SS18L1: variants seen among roughly 807,000 people sequenced by gnomAD.
SS18L1 encodes the protein calcium-responsive transactivator.
Under a neutral mutation model 70.3 loss-of-function variants are expected in SS18L1, and 32 were observed. That is an observed-to-expected ratio of 0.46 (90% CI 0.34 to 0.61). The LOEUF is 0.61. SS18L1 is among the 20% of genes least tolerant of loss of function. The pLI is 0.01. For synonymous variants in SS18L1, 237 were observed against 229.7 expected, an observed-to-expected ratio of 1.03 and a Z score of -0.29; for missense variants, 430 against 542.1, an observed-to-expected ratio of 0.79 and a Z score of 2.05.
At chr20:62,154,853 GCCCACT>G (rs1345684600) in intron 1 of SS18L1, among the ~76,000 whole-genome samples, 17 of 152,088 alleles carry the variant, frequency 1.1e-4, no homozygotes, top group African/African-American at 4.1e-4. Flanking sequence ...GGCCGCGCTG[GCCCACT>G]CCCTTTCTTC....
intron 1 of SS18L1, among the ~76,000 whole-genome samples, chr20:62,144,090 G>C (rs967948424): frequency 1.5e-4 from 22 of 149,920 alleles, no homozygotes; most frequent in Non-Finnish European, 2.4e-4. Flanking sequence ...TGTGGGGGGC[G>C]GTCCCCGGAG....
At chr20:62,154,305 T>C in intron 1 of SS18L1, 1 of 1,040,382 alleles carries the variant, frequency 9.6e-7, no homozygotes, top group African/African-American at 1.7e-5. Context: ...CGGCCAGTCA[T>C]CGAGTGCCCT....
Position 62,174,679 on chromosome 20 carries a change from C to G in SS18L1, c.1164+35C>G, listed in dbSNP as rs564880212. On this transcript the variant is annotated intron_variant, in intron 10 of 10. Transcript: ENST00000331758. The surrounding 1 kb of genome is among the most constrained non-coding windows in gnomAD (Gnocchi z 4.1). ...CTGGATGTTTCCAGATGTGCCCATCCGCCGCGCCTGTCGAGACATAATGAA... is the reference window on the plus strand; with the variant it reads ...CTGGATGTTTCCAGATGTGCCCATCGGCCGCGCCTGTCGAGACATAATGAA... 2 of 1,613,060 alleles carry G rather than the reference C, an allele frequency of 1.2e-6. No individual in the cohort carries two copies. Among genetic ancestry groups the G allele is most frequent in the South Asian group, 2.2e-5 (2 of 91,028 alleles).
rs755962344 is a variant in SS18L1, at chr20:62,143,815, G to T, written c.-6G>T. On this transcript the variant is annotated 5_prime_UTR_variant, in exon 1 of 11. Transcript: ENST00000331758. Reference sequence around the variant, plus strand: ...ATGACCACGGGCTGAGCCCCGCGCCGCCACCATGTCCGTGGCCTTCGCGTC... The same window carrying T: ...ATGACCACGGGCTGAGCCCCGCGCCTCCACCATGTCCGTGGCCTTCGCGTC... The T allele has an allele frequency of 3.0e-6, 4 of 1,344,554 alleles. No homozygotes were observed. Among genetic ancestry groups the T allele is most frequent in the South Asian group, 1.3e-5 (1 of 76,602 alleles). The allele number at this position is 1,344,554 out of a possible 1,614,324, so 83.3% of individuals were successfully genotyped here.
intron 1 of SS18L1, among the ~76,000 whole-genome samples, chr20:62,152,491 C>A (rs1427322714): frequency 6.6e-6 from 1 of 152,212 alleles, no homozygotes; most frequent in African/African-American, 2.4e-5. Flanking sequence ...CGGGTTTACC[C>A]CTGAACCTGT....
At position 62,181,255 on chromosome 20, in the gene SS18L1, C is replaced by G; in HGVS notation, c.*2047C>G. 4.8e-6 allele frequency: 1 copy of G among 206,412 alleles called. No homozygotes were observed. Among genetic ancestry groups the G allele is most frequent in the Non-Finnish European group, 9.9e-6 (1 of 100,906 alleles). 12.8% of individuals were successfully genotyped at this position (206,412 alleles called of 1,614,324 possible). On this transcript the variant is annotated 3_prime_UTR_variant, in exon 11 of 11. Coordinates refer to ENST00000331758, the MANE Select transcript of SS18L1 (RefSeq NM_198935.3). ...AACGTATGTGTTCATATTCGATCAC[C>G]GAAATGAGAGTTCTTAATTGCTAAT... is the stretch of plus-strand genomic sequence containing the variant.
In SS18L1 at chr20:62,180,890, C is replaced by T. The variant is rs185987139; in HGVS notation, c.*1682C>T. The T allele has an allele frequency of 1.3e-3, 218 of 169,922 alleles. No homozygotes were observed. Among genetic ancestry groups the T allele is most frequent in the East Asian group, 5.5e-3 (50 of 9,100 alleles). 10.5% of individuals were successfully genotyped at this position (169,922 alleles called of 1,614,324 possible). ...AGCCTAGGCAACAAGAGTGAAATTCCGTCTCAAAAAAATAAATAAATAAAT... is the reference window on the plus strand; with the variant it reads ...AGCCTAGGCAACAAGAGTGAAATTCTGTCTCAAAAAAATAAATAAATAAAT... On this transcript the variant is annotated 3_prime_UTR_variant, in exon 11 of 11. Transcript: ENST00000331758.
At chr20:62,160,442 C>G (rs1345312798) in intron 3 of SS18L1, among the ~76,000 whole-genome samples, 1 of 149,480 alleles carries the variant, frequency 6.7e-6, no homozygotes, top group Non-Finnish European at 1.5e-5. Context: ...TCCCTGGAGC[C>G]TCTCCGGGTG....
In SS18L1 at chr20:62,174,878, C is replaced by T. The variant is rs2057594122; in HGVS notation, c.1164+234C>T. 4.9e-6 allele frequency: 7 copies of T among 1,415,610 alleles called. No individual in the cohort carries two copies. The highest frequency in any genetic ancestry group is 1.4e-5 in the South Asian group (1 of 69,580). 87.7% of individuals were successfully genotyped at this position (1,415,610 alleles called of 1,614,324 possible). On this transcript the variant is annotated intron_variant, in intron 10 of 10. Transcript: ENST00000331758. The surrounding 1 kb of genome is among the most constrained non-coding windows in gnomAD (Gnocchi z 4.1). ...CCCTAAGCTCACCGTTAGATCTGCACGCCTGGTTCTCACATTCATTCACTC... is the reference window on the plus strand; with the variant it reads ...CCCTAAGCTCACCGTTAGATCTGCATGCCTGGTTCTCACATTCATTCACTC...
chr20:62,156,208 C>G (rs776642996), intron 1 of SS18L1, among the ~76,000 whole-genome samples: 2 of 152,184 alleles, frequency 1.3e-5, no homozygotes, highest in Non-Finnish European at 2.9e-5. Flanking sequence ...GTGTCTAGTT[C>G]GTGTCCCTGG....
intron 1 of SS18L1, among the ~76,000 whole-genome samples, chr20:62,155,967 G>T (rs1044102238): frequency 7.0e-6 from 1 of 141,974 alleles, no homozygotes; most frequent in African/African-American, 2.6e-5. Context: ...TGCCTGTCCT[G>T]CCCTTTTTCA....
intron 4 of SS18L1, 61 bp from the exon 5 acceptor site, chr20:62,162,691 C>T (rs2145740859): frequency 6.5e-7 from 1 of 1,540,452 alleles, no homozygotes; most frequent in South Asian, 1.2e-5. Flanking sequence ...GGTGTCTTCA[C>T]CTTCAGAAGT....
At position 62,152,052 on chromosome 20, in the gene SS18L1, C is replaced by T. The variant is rs114241612; in HGVS notation, c.70-6620C>T. Among the ~76,000 whole-genome samples, 429 of 152,216 alleles carry T rather than the reference C, an allele frequency of 2.8e-3. 1 individual carries two copies. The highest frequency in any genetic ancestry group is 8.1e-3 in the African/African-American group (335 of 41,510). On this transcript the variant is annotated intron_variant, in intron 1 of 10. Coordinates refer to ENST00000331758, the MANE Select transcript of SS18L1 (RefSeq NM_198935.3). ...CTGGCCTCCATTCCTGGAGATGCCCCGTGGCCTTCACACATGCCTGTTTCC... is the reference window on the plus strand; with the variant it reads ...CTGGCCTCCATTCCTGGAGATGCCCTGTGGCCTTCACACATGCCTGTTTCC...
chr20:62,150,633 A>ATTTTTTTTTTTTTTTTTTTTTTTTTT (rs34708339), intron 1 of SS18L1, among the ~76,000 whole-genome samples: 2 of 58,030 alleles, frequency 3.4e-5, no homozygotes, highest in East Asian at 7.8e-4. Context: ...ATTGAGGTGG[A>ATTTTTTTTTTTTTTTTTTTTTTTTTT]TTTTTTTTTT....
In SS18L1 at chr20:62,174,942, C is replaced by T. The variant is rs1353631941; in HGVS notation, c.1164+298C>T. 1 of 980,196 alleles carries T rather than the reference C, an allele frequency of 1.0e-6. No individual in the cohort carries two copies. Among genetic ancestry groups the T allele is most frequent in the Admixed American group, 6.1e-5 (1 of 16,266 alleles). The allele number at this position is 980,196 out of a possible 1,614,324, so 60.7% of individuals were successfully genotyped here. On this transcript the variant is annotated intron_variant, in intron 10 of 10. Coordinates refer to ENST00000331758, the MANE Select transcript of SS18L1 (RefSeq NM_198935.3). The surrounding 1 kb of genome is among the most constrained non-coding windows in gnomAD (Gnocchi z 4.1). ...CACGTACTGGGTACGCGTCCGGTCT[C>T]TGCTGAGTGCTTGGTGTGTGGCCGC...
At chr20:62,169,345 G>A (rs2057489262) in intron 8 of SS18L1, among the ~76,000 whole-genome samples, 1 of 152,230 alleles carries the variant, frequency 6.6e-6, no homozygotes, top group African/African-American at 2.4e-5. Flanking sequence ...AATGCTTCCG[G>A]GTAGGAGATG....
chr20:62,177,399 A>G (rs2057638438), intron 10 of SS18L1, among the ~76,000 whole-genome samples: 1 of 152,192 alleles, frequency 6.6e-6, no homozygotes, highest in African/African-American at 2.4e-5. Flanking sequence ...CCAATGGTGC[A>G]GGAGCAGAAA....
At chr20:62,155,778 C>T (rs2145717927) in intron 1 of SS18L1, among the ~76,000 whole-genome samples, 1 of 152,278 alleles carries the variant, frequency 6.6e-6, no homozygotes, top group South Asian at 2.1e-4. Context: ...TGGCTCAGGC[C>T]AGGTGCCCTG....
At position 62,159,024 on chromosome 20, in the gene SS18L1, C is replaced by T. The variant is rs972328580; in HGVS notation, c.146+276C>T. On this transcript the variant is annotated intron_variant, in intron 2 of 10. Coordinates refer to ENST00000331758, the MANE Select transcript of SS18L1 (RefSeq NM_198935.3). This position sits in a 1 kb window ranked among gnomAD's most constrained non-coding sequence, Gnocchi z 4.4. ...CCCAGCACGGAGGCCAGATATGTCC[C>T]GAGAGTCCCCCAGCACGGAGGCCAG... The T allele has an allele frequency of 1.3e-5, 19 of 1,489,312 alleles. No homozygotes were observed. The highest frequency in any genetic ancestry group is 2.7e-5 in the African/African-American group (2 of 72,898). 92.3% of individuals were successfully genotyped at this position (1,489,312 alleles called of 1,614,324 possible).
Sources: gnomAD v4.1 joint callset for allele counts (sites outside exome capture counted in the v4.1 genomes callset) on GRCh38, gnomAD v4.1.1 for gene constraint, Gnocchi (gnomAD v3.1) non-coding constraint, MANE v1.5 for transcripts, NCBI Gene and HGNC (gene_info 2026-07-23, HGNC 2026-07-21) for gene names.